AGBL4: variants seen among roughly 807,000 people sequenced by gnomAD.
AGBL4 encodes AGBL carboxypeptidase 4, also known as cytosolic carboxypeptidase 6.
AGBL4 carries 58 observed loss-of-function variants against 66.4 expected under a neutral mutation model. The observed-to-expected ratio is 0.87, with a 90% CI of 0.71 to 1.09. The LOEUF (loss-of-function observed/expected upper bound fraction) is 1.09. AGBL4 is among the 50% of genes least tolerant of loss of function. The pLI, the probability that AGBL4 is intolerant of heterozygous loss-of-function variation, is 0.00. For missense variants in AGBL4, 579 were observed against 631.0 expected, an observed-to-expected ratio of 0.92 and a Z score of 0.88; for synonymous variants, 234 against 222.9, an observed-to-expected ratio of 1.05 and a Z score of -0.44.
rs1470174449 is a variant in AGBL4 at position 48,736,729 on chromosome 1, C to T, written c.635-73488G>A. On this transcript the variant is annotated intron_variant, in intron 6 of 13. Transcript: ENST00000371839. This position sits in a 1 kb window ranked among gnomAD's most constrained non-coding sequence, Gnocchi z 4.0. ...ACCATTTTCCTTTCAGATGGAAACA[C>T]CGGTTCAGACAGGTGAGGTGACTTG... is the stretch of plus-strand genomic sequence containing the variant. Among the ~76,000 whole-genome samples the T allele has an allele frequency of 6.6e-6, 1 of 152,146 alleles. No homozygotes were observed. The highest frequency in any genetic ancestry group is 1.5e-5 in the Non-Finnish European group (1 of 68,040).
intron 1 of AGBL4, among the ~76,000 whole-genome samples, chr1:49,878,057 T>G (rs947867759): frequency 1.3e-5 from 2 of 151,846 alleles, no homozygotes; most frequent in East Asian, 3.8e-4. Context: ...TCTTTTCTTC[T>G]TTATTAGTCT....
chr1:48,801,991 C>T (rs1645821368), intron 6 of AGBL4, among the ~76,000 whole-genome samples: 1 of 152,050 alleles, frequency 6.6e-6, no homozygotes, highest in African/African-American at 2.4e-5. Flanking sequence ...CATCGTCTTC[C>T]CCACCAGCCA....
intron 6 of AGBL4, among the ~76,000 whole-genome samples, chr1:48,832,773 G>A (rs139105345): frequency 8.9e-4 from 135 of 152,266 alleles, no homozygotes; most frequent in African/African-American, 3.2e-3. Flanking sequence ...TCTGTTAAGA[G>A]CCTGGATAGA....
At chr1:49,476,385 G>A (rs919980226) in intron 3 of AGBL4, among the ~76,000 whole-genome samples, 3 of 152,016 alleles carry the variant, frequency 2.0e-5, no homozygotes, top group African/African-American at 7.2e-5. Context: ...TCTTGAGGTT[G>A]TTGGGTGGAT....
intron 6 of AGBL4, among the ~76,000 whole-genome samples, chr1:48,842,290 G>T (rs1417348096): frequency 6.6e-6 from 1 of 151,940 alleles, no homozygotes; most frequent in African/African-American, 2.4e-5. Context: ...AGAGGTGGAT[G>T]AGTGTATTTC....
At chr1:49,121,241 G>A (rs960642750) in intron 4 of AGBL4, among the ~76,000 whole-genome samples, 1 of 152,170 alleles carries the variant, frequency 6.6e-6, no homozygotes, top group African/African-American at 2.4e-5. Context: ...ATCCAGCTTT[G>A]TTCCATTGCC....
intron 5 of AGBL4, among the ~76,000 whole-genome samples, chr1:49,001,653 T>C (rs143889985): frequency 6.6e-6 from 1 of 152,342 alleles, no homozygotes; most frequent in Non-Finnish European, 1.5e-5. Context: ...CAATTCTCAC[T>C]GCCGTGGTGC....
chr1:48,724,232 T>A (rs951307854), intron 6 of AGBL4, among the ~76,000 whole-genome samples: 1 of 152,180 alleles, frequency 6.6e-6, no homozygotes. Flanking sequence ...AATAACCCCA[T>A]AACTAGACCT....
chr1:49,536,374 G>A lies in AGBL4; in HGVS notation c.282+160939C>T, dbSNP rs574979616. 3.3e-5 allele frequency among the ~76,000 whole-genome samples: 5 copies of A among 152,216 alleles called. No individual in the cohort carries two copies. The East Asian group carries it at 9.6e-4, about 29-fold the overall frequency. On this transcript the variant is annotated intron_variant, in intron 3 of 13. Coordinates refer to ENST00000371839, the MANE Select transcript of AGBL4 (RefSeq NM_032785.4). ...TTTTTATCTGTGTGTGTGCGTGTGTGTTCATGTGCATGTGTGTGTTGGGGT... is the reference window on the plus strand; with the variant it reads ...TTTTTATCTGTGTGTGTGCGTGTGTATTCATGTGCATGTGTGTGTTGGGGT...
chr1:48,759,226 G>A, intron 6 of AGBL4: 1 of 1,601,382 alleles, frequency 6.2e-7, no homozygotes, highest in Non-Finnish European at 8.5e-7. Context: ...CTCTAGCCGA[G>A]CCACCACTGC....
intron 9 of AGBL4, among the ~76,000 whole-genome samples, chr1:48,603,353 C>T (rs1645104225): frequency 1.3e-5 from 2 of 152,152 alleles, no homozygotes; most frequent in South Asian, 4.2e-4. Flanking sequence ...GCCTGTAATC[C>T]CAGCTACTGG....
chr1:49,756,681 G>A (rs1057125340), intron 2 of AGBL4, among the ~76,000 whole-genome samples: 31 of 152,144 alleles, frequency 2.0e-4, no homozygotes, highest in African/African-American at 4.3e-4. Flanking sequence ...CTGTTCTCAC[G>A]ATAGTGAGTA....
rs60427696 is a variant in AGBL4, at chr1:49,824,908, T to C, written c.157+26488A>G. 1.2e-3 allele frequency among the ~76,000 whole-genome samples: 176 copies of C among 152,350 alleles called. 5 individuals are homozygous for C. In the East Asian group the frequency reaches 0.031, roughly 27 times the overall value. On this transcript the variant is annotated intron_variant, in intron 2 of 13. Coordinates refer to ENST00000371839, the MANE Select transcript of AGBL4 (RefSeq NM_032785.4). ...GGATGCACTGAAGATTCTTATCTGA[T>C]TCATTCTCTTCTGAATCTGAGCTAT...
intron 3 of AGBL4, among the ~76,000 whole-genome samples, chr1:49,587,195 G>A (rs1008341970): frequency 6.6e-6 from 1 of 151,712 alleles, no homozygotes; most frequent in Admixed American, 6.6e-5. Context: ...GCAGTGAGCC[G>A]AGATTATGCC....
intron 3 of AGBL4, among the ~76,000 whole-genome samples, chr1:49,418,696 T>C (rs974584410): frequency 6.6e-6 from 1 of 152,140 alleles, no homozygotes; most frequent in Non-Finnish European, 1.5e-5. Flanking sequence ...AGACATGTGC[T>C]CCAGTTAAAG....
chr1:48,939,390 C>G (rs1224849243), intron 5 of AGBL4, among the ~76,000 whole-genome samples: 1 of 152,224 alleles, frequency 6.6e-6, no homozygotes, highest in African/African-American at 2.4e-5. Context: ...GGGTCCCTCT[C>G]CTTCAGTCCC....
chr1:49,421,323 T>C (rs1645541659), intron 3 of AGBL4, among the ~76,000 whole-genome samples: 1 of 150,332 alleles, frequency 6.7e-6, no homozygotes, highest in African/African-American at 2.4e-5. Flanking sequence ...GAAAAATGAC[T>C]CTGTTGTCTT....
chr1:49,123,144 C>T (rs558766472), intron 4 of AGBL4, among the ~76,000 whole-genome samples: 13 of 152,268 alleles, frequency 8.5e-5, no homozygotes, highest in African/African-American at 2.6e-4. Context: ...TGAGCCACTG[C>T]GCCCAGCCCT....
At chr1:49,585,532 G>A (rs2124022783) in intron 3 of AGBL4, among the ~76,000 whole-genome samples, 1 of 152,192 alleles carries the variant, frequency 6.6e-6, no homozygotes, top group Non-Finnish European at 1.5e-5. Flanking sequence ...GGTTGTTGAA[G>A]TCTGCTAACA....
Sources: allele counts gnomAD v4.1 joint callset (sites outside exome capture counted in the v4.1 genomes callset), GRCh38; gene constraint gnomAD v4.1.1; non-coding constraint Gnocchi (gnomAD v3.1); transcripts MANE v1.5; gene names NCBI Gene and HGNC (gene_info 2026-07-23, HGNC 2026-07-21).